Variants in CDH23 observed in about 807,000 individuals in gnomAD.
CDH23 encodes cadherin related 23.
A neutral mutation model predicts 317.1 loss-of-function variants in CDH23; 189 were observed. The ratio of observed to expected loss-of-function variants is 0.60; its 90% confidence interval spans 0.53 to 0.67. The LOEUF (loss-of-function observed/expected upper bound fraction) is 0.67, where lower values mean the gene tolerates loss of function less well. Ranked by LOEUF, CDH23 falls within the 30% of genes least tolerant of loss-of-function variation. The pLI, the probability that CDH23 is intolerant of heterozygous loss-of-function variation, is 0.00. For synonymous variants in CDH23, 1,839 were observed against 1,876.8 expected (o/e 0.98, Z 0.52); for missense variants, 4,401 against 4,592.4 (o/e 0.96, Z 1.20).
At chr10:71,603,235 C>T (rs536112484) in intron 9 of CDH23, among the ~76,000 whole-genome samples, 95 of 152,320 alleles carry the variant, frequency 6.2e-4, no homozygotes, top group Non-Finnish European at 1.2e-3. Flanking sequence ...TCTCCTTGGG[C>T]GTCTGATCAC....
intron 14 of CDH23, among the ~76,000 whole-genome samples, chr10:71,665,028 T>C (rs535996821): frequency 1.1e-4 from 16 of 152,298 alleles, no homozygotes; most frequent in African/African-American, 3.8e-4. Flanking sequence ...TCATCAGATA[T>C]CTCATTTATT....
At chr10:71,628,041 C>CTCA (rs1453791765) in intron 11 of CDH23, among the ~76,000 whole-genome samples, 1 of 152,234 alleles carries the variant, frequency 6.6e-6, no homozygotes, top group Non-Finnish European at 1.5e-5. Flanking sequence ...GCCACCCCAC[C>CTCA]TCATACCCCT....
At chr10:71,496,824 G>GGATGGCAGCCTCGTC (rs368531457) in intron 3 of CDH23, among the ~76,000 whole-genome samples, 1 of 124,344 alleles carries the variant, frequency 8.0e-6, no homozygotes, top group Non-Finnish European at 1.9e-5. Flanking sequence ...TATGTGGTCT[G>GGATGGCAGCCTCGTC]GTGTACAGAT....
chr10:71,768,075 G>T (rs3747863), intron 38 of CDH23, among the ~76,000 whole-genome samples: 1 of 152,226 alleles, frequency 6.6e-6, no homozygotes, highest in African/African-American at 2.4e-5. Flanking sequence ...CTGTGAAGAC[G>T]TCCTCAGGGT....
intron 3 of CDH23, among the ~76,000 whole-genome samples, chr10:71,483,415 G>T (rs1852175700): frequency 6.6e-6 from 1 of 152,204 alleles, no homozygotes; most frequent in South Asian, 2.1e-4. Flanking sequence ...TTAACAACCA[G>T]TGTGGCTATT....
chr10:71,482,878 C>G (rs2132119103), intron 3 of CDH23, among the ~76,000 whole-genome samples: 1 of 152,274 alleles, frequency 6.6e-6, no homozygotes, highest in South Asian at 2.1e-4. Context: ...CAAGAGGGAG[C>G]CATCCTGAAG....
At chr10:71,600,514 CTTTTTTTTT>C (rs538778849) in intron 9 of CDH23, among the ~76,000 whole-genome samples, 1 of 125,210 alleles carries the variant, frequency 8.0e-6, no homozygotes, top group Non-Finnish European at 1.7e-5. Flanking sequence ...GACCGCAGAA[CTTTTTTTTT>C]TTTTTTTTTT....
Position 71,759,415 on chromosome 10 carries a change from G to A in CDH23, c.4845+17494G>A, listed in dbSNP as rs116878224. 4.6e-5 allele frequency among the ~76,000 whole-genome samples: 7 copies of A among 152,130 alleles called. No homozygotes were observed. In the East Asian group the frequency reaches 1.4e-3, roughly 29 times the overall value. ...CCAGCTACTTGGGAGAATGAAGCAG[G>A]AAGATCACTTGCATCTGGAAGTTTG... On this transcript the variant is annotated intron_variant, in intron 38 of 69. Coordinates refer to ENST00000224721, the MANE Select transcript of CDH23 (RefSeq NM_022124.6).
intron 6 of CDH23, among the ~76,000 whole-genome samples, chr10:71,522,237 T>C (rs887319696): frequency 6.6e-6 from 1 of 152,078 alleles, no homozygotes; most frequent in African/African-American, 2.4e-5. Context: ...AGTGAATGCA[T>C]TTGTGTAACT....
intron 32 of CDH23, 50 bp downstream of exon 32, chr10:71,732,425 T>C (rs1260677028): frequency 1.4e-5 from 21 of 1,549,424 alleles, no homozygotes; most frequent in Non-Finnish European, 1.7e-5. Flanking sequence ...TAACCAACAT[T>C]GGTTGAGCTC....
intron 14 of CDH23, among the ~76,000 whole-genome samples, chr10:71,648,545 TG>T (rs1158276009): frequency 3.3e-5 from 5 of 152,052 alleles, no homozygotes; most frequent in African/African-American, 1.2e-4. Context: ...CCATGGTCCT[TG>T]GAAAGGGATG....
chr10:71,797,273 G>A, intron 49 of CDH23, 53 bp downstream of exon 49: 3 of 1,247,960 alleles, frequency 2.4e-6, no homozygotes, highest in Admixed American at 1.9e-5. Flanking sequence ...AATCAGGGCA[G>A]GGGGCAGGTG....
At chr10:71,553,382 A>G (rs1199712396) in intron 6 of CDH23, among the ~76,000 whole-genome samples, 2 of 152,044 alleles carry the variant, frequency 1.3e-5, no homozygotes, top group Non-Finnish European at 1.5e-5. Flanking sequence ...GTCTGCCCCT[A>G]AGCCCCAGGG....
rs1325184117 is a variant in CDH23 at position 71,682,511 on chromosome 10, T to C, written c.1925T>C (p.Met642Thr). The change falls in exon 18 of 70, where the codon ATG (methionine) becomes ACG (threonine). Residue 642 changes from methionine to threonine, a missense_variant. Met to Thr is a moderately conservative substitution (Grantham distance 81). Around this residue, in one of 3 missense-constraint regions of CDH23, gnomAD observed 3,068 missense variants for 3,203.3 expected, o/e 0.96. Transcript: ENST00000224721. Reference sequence around the variant, plus strand: ...AATGGGCTGATTTATCTGACGGTCATGGCCATGGATGCTGGCAACCCCCCT... The same window carrying C: ...AATGGGCTGATTTATCTGACGGTCACGGCCATGGATGCTGGCAACCCCCCT... ...ISNGLIYLTV[M>T]AMDAGNPPLN... The C allele has an allele frequency of 1.9e-6, 3 of 1,613,510 alleles. No individual in the cohort carries two copies. The highest frequency in any genetic ancestry group is 2.5e-6 in the Non-Finnish European group (3 of 1,179,764).
At chr10:71,755,506 C>T in intron 38 of CDH23, 1 of 1,553,530 alleles carries the variant, frequency 6.4e-7, no homozygotes, top group Non-Finnish European at 8.8e-7. Context: ...AGCCCCATTC[C>T]CATTGCTCCT....
chr10:71,494,944 C>T (rs1852875718), intron 3 of CDH23, among the ~76,000 whole-genome samples: 1 of 152,016 alleles, frequency 6.6e-6, no homozygotes, highest in African/African-American at 2.4e-5. Flanking sequence ...GGGTGTGTAC[C>T]CAGGGGGAGA....
rs1589424694 is a variant in CDH23, at chr10:71,793,271, CG to C, written c.6344del (p.Arg2115ProfsTer28). The C allele has an allele frequency of 6.2e-7, 1 of 1,613,902 alleles. No individual in the cohort carries two copies. The highest frequency in any genetic ancestry group is 1.1e-5 in the South Asian group (1 of 91,066). ...VYRIEAGAQD[R>X]FLIHLVTGVI... ...CCGAATAGAAGCTGGGGCTCAGGAC[CG>C]CTTCCTCATTCATCTGGTCACCGGG... On this transcript the variant is annotated frameshift_variant, in exon 48 of 70. Coordinates refer to ENST00000224721, the MANE Select transcript of CDH23 (RefSeq NM_022124.6). LOFTEE classifies it high-confidence loss of function.
At chr10:71,475,422 T>TA in intron 3 of CDH23, among the ~76,000 whole-genome samples, 1 of 152,306 alleles carries the variant, frequency 6.6e-6, no homozygotes. Context: ...CCTGAGCTCT[T>TA]GGCTCCCGAG....
At chr10:71,448,320 T>G (rs1247594292) in intron 3 of CDH23, among the ~76,000 whole-genome samples, 1 of 152,248 alleles carries the variant, frequency 6.6e-6, no homozygotes, top group Non-Finnish European at 1.5e-5. Context: ...GATTGTCTTT[T>G]GCAAACGCCA....
Sources: gnomAD v4.1 joint callset for allele counts (sites outside exome capture counted in the v4.1 genomes callset) on GRCh38, gnomAD v4.1.1 for gene constraint, gnomAD v4.1.1 regional missense constraint, MANE v1.5 for transcripts, NCBI Gene and HGNC (gene_info 2026-07-23, HGNC 2026-07-21) for gene names.